EOGT: variants seen among roughly 807,000 people sequenced by gnomAD.
EOGT encodes EGF domain specific O-linked N-acetylglucosamine transferase, also known as EGF domain-specific O-linked N-acetylglucosamine transferase.
A neutral mutation model predicts 70.5 loss-of-function variants in EOGT; 55 were observed. That is an observed-to-expected ratio of 0.78 (90% CI 0.63 to 0.98). EOGT has a LOEUF of 0.98. Ranked by LOEUF, EOGT falls within the 50% of genes least tolerant of loss-of-function variation. The pLI, the probability that EOGT is intolerant of heterozygous loss-of-function variation, is 0.00. For synonymous variants in EOGT, 246 were observed against 217.1 expected, an observed-to-expected ratio of 1.13 and a Z score of -1.17; for missense variants, 703 against 641.9, an observed-to-expected ratio of 1.10 and a Z score of -1.03.
intron 8 of EOGT, among the ~76,000 whole-genome samples, chr3:69,003,578 C>A (rs1186610549): frequency 6.6e-6 from 1 of 152,208 alleles, no homozygotes; most frequent in Non-Finnish European, 1.5e-5. Context: ...TCCATTAAAC[C>A]TCTTTCCTTT....
intron 13 of EOGT, 84 bp from the exon 14 acceptor site, chr3:68,987,597 C>G: frequency 1.9e-6 from 2 of 1,031,480 alleles, no homozygotes; most frequent in Non-Finnish European, 3.0e-6. Flanking sequence ...GTGATTTTCA[C>G]AAAGAGATGA....
intron 16 of EOGT, among the ~76,000 whole-genome samples, chr3:68,979,241 TCA>T (rs1374881978): frequency 6.6e-6 from 1 of 152,190 alleles, no homozygotes; most frequent in African/African-American, 2.4e-5. Flanking sequence ...CCCAAGGGCC[TCA>T]GTTTCCCTGT....
chr3:68,987,598 A>G, intron 13 of EOGT, 85 bp from the exon 14 acceptor site: 2 of 1,003,328 alleles, frequency 2.0e-6, no homozygotes, highest in South Asian at 2.8e-5. Context: ...TGATTTTCAC[A>G]AAGAGATGAA....
intron 3 of EOGT, 73 bp from the exon 4 acceptor site, chr3:69,009,933 C>CAAAAAAAAAAAAAAAA: frequency 1.2e-5 from 3 of 255,188 alleles, no homozygotes; most frequent in South Asian, 4.7e-5. Flanking sequence ...ACAACAACAA[C>CAAAAAAAAAAAAAAAA]AAAAAAAAAA....
At chr3:69,008,719 C>T (rs1199122852) in intron 4 of EOGT, among the ~76,000 whole-genome samples, 191 bp from the exon 5 acceptor site, 1 of 152,190 alleles carries the variant, frequency 6.6e-6, no homozygotes, top group Non-Finnish European at 1.5e-5. Context: ...AACAATCCTC[C>T]TTACTCATCA....
At position 68,976,929 on chromosome 3, in the gene EOGT, G is replaced by C. The variant is rs1416162356; in HGVS notation, c.*689C>G. On this transcript the variant is annotated 3_prime_UTR_variant, in exon 18 of 18. Transcript: ENST00000383701. The stretch of plus-strand genomic sequence containing the variant: ...GTAATCCCAGCACTTTGGGAGGCAA[G>C]GTGGGAGGATTTCTTGAACCCAGAG... The C allele has an allele frequency of 6.6e-6, 1 of 152,586 alleles. No individual in the cohort carries two copies. Among genetic ancestry groups the C allele is most frequent in the Non-Finnish European group, 1.5e-5 (1 of 68,088 alleles). The allele number at this position is 152,586 out of a possible 1,614,324, so 9.5% of individuals were successfully genotyped here. A position where few individuals can be genotyped will look rare whatever the true frequency, so the allele number is the denominator to read the frequency against.
In EOGT at chr3:69,009,747, G is replaced by T; in HGVS notation, c.100C>A (p.Leu34Met). ...PNTHSIPGEPLYNYASIRLPE... is the reference protein window; with the variant it reads ...PNTHSIPGEPMYNYASIRLPE... ...AAGCGGATGCTGGCATAGTTATACA[G>T]AGGTTCGCCTGGAATGCTGTGAGTA... The change falls in exon 4 of 18, where the codon CTG (leucine) becomes ATG (methionine). Residue 34 changes from leucine (L) to methionine (M), a missense_variant. By Grantham distance (15) the Leu-to-Met change is conservative (BLOSUM62 2). Transcript: ENST00000383701. 1 of 1,614,070 alleles carries T rather than the reference G, an allele frequency of 6.2e-7. No individual in the cohort carries two copies. Among genetic ancestry groups the T allele is most frequent in the Non-Finnish European group, 8.5e-7 (1 of 1,180,006 alleles).
In EOGT at chr3:68,982,864, A is replaced by G. The variant is rs2090690087; in HGVS notation, c.1161T>C (p.Asn387=). The change falls in exon 15 of 18, where the codon AAT becomes AAC. Residue 387 remains asparagine (N), a synonymous_variant. Transcript: ENST00000383701. ...CAAATGTAGATACTGTTTTCAGTGC[A>G]TTTACAAGCTGGGAAAAAAAGAGAA... ...RKILNQNELV[N]ALKTVSTFEV... The G allele has an allele frequency of 1.2e-6, 2 of 1,601,496 alleles. No individual in the cohort carries two copies. Among genetic ancestry groups the G allele is most frequent in the East Asian group, 2.3e-5 (1 of 44,346 alleles).
At chr3:69,007,083 C>T (rs1044816854) in intron 6 of EOGT, among the ~76,000 whole-genome samples, 1 of 152,168 alleles carries the variant, frequency 6.6e-6, no homozygotes, top group Non-Finnish European at 1.5e-5. Flanking sequence ...TTTGTAAAGA[C>T]GCAGTTTATC....
intron 8 of EOGT, 47 bp downstream of exon 8, chr3:69,004,331 A>G (rs377496297): frequency 3.0e-4 from 426 of 1,412,938 alleles, no homozygotes; most frequent in Non-Finnish European, 4.1e-4. Context: ...CAAGTGCCGT[A>G]AATAAAGGCA....
intron 3 of EOGT, among the ~76,000 whole-genome samples, chr3:69,010,588 A>G (rs547784119): frequency 3.2e-4 from 49 of 152,350 alleles, no homozygotes; most frequent in Admixed American, 2.9e-3. Flanking sequence ...AACCTTCATC[A>G]TAGAGCTGTC....
At chr3:69,002,222 G>C (rs1250299766) in intron 8 of EOGT, among the ~76,000 whole-genome samples, 1 of 152,164 alleles carries the variant, frequency 6.6e-6, no homozygotes, top group African/African-American at 2.4e-5. Context: ...GTTGAGTCTA[G>C]AGATGGCTAC....
In EOGT at chr3:69,008,544, T is replaced by C; in HGVS notation, c.211-16A>G. The stretch of plus-strand genomic sequence containing the variant: ...CTAGGTGTTTCTAGAACATAAAACT[T>C]ACATTGATTTCCCTTCTTCTGACAT... On this transcript the variant is annotated splice_polypyrimidine_tract_variant and intron_variant, in intron 4 of 17. Coordinates refer to ENST00000383701, the MANE Select transcript of EOGT (RefSeq NM_001278689.2). 6.4e-7 allele frequency: 1 copy of C among 1,568,094 alleles called. No individual in the cohort carries two copies. Among genetic ancestry groups the C allele is most frequent in the Non-Finnish European group, 8.8e-7 (1 of 1,139,146 alleles).
chr3:68,978,450 G>C lies in EOGT; in HGVS notation c.1335-15C>G. Reference sequence around the variant, plus strand: ...CACAGTTGTACCTAAGGACACAAGGGTGTCACAACATGAGGCTTTTGTCCA... The same window carrying C: ...CACAGTTGTACCTAAGGACACAAGGCTGTCACAACATGAGGCTTTTGTCCA... On this transcript the variant is annotated splice_polypyrimidine_tract_variant and intron_variant, in intron 16 of 17. Coordinates refer to ENST00000383701, the MANE Select transcript of EOGT (RefSeq NM_001278689.2). The C allele has an allele frequency of 6.4e-7, 1 of 1,554,906 alleles. No homozygotes were observed. Among genetic ancestry groups the C allele is most frequent in the Non-Finnish European group, 8.7e-7 (1 of 1,148,086 alleles).
chr3:68,998,645 G>A (rs1453025886), intron 9 of EOGT, among the ~76,000 whole-genome samples: 3 of 151,986 alleles, frequency 2.0e-5, no homozygotes, highest in Non-Finnish European at 2.9e-5. Context: ...CTTGAGACCA[G>A]GAGTTTGAGA....
intron 5 of EOGT, 41 bp from the exon 6 acceptor site, chr3:69,007,862 CT>C: frequency 1.4e-6 from 2 of 1,413,004 alleles, no homozygotes; most frequent in Non-Finnish European, 9.8e-7. Flanking sequence ...TTTCTTTTTA[CT>C]TTTTTGGACC....
chr3:68,990,605 C>T (rs1027007146), intron 10 of EOGT, among the ~76,000 whole-genome samples: 8 of 152,086 alleles, frequency 5.3e-5, no homozygotes, highest in African/African-American at 7.2e-5. Flanking sequence ...CCGCCTACCA[C>T]GGCCTCCTAA....
intron 3 of EOGT, among the ~76,000 whole-genome samples, chr3:69,011,571 G>A (rs981252955): frequency 7.1e-6 from 1 of 139,886 alleles, no homozygotes; most frequent in African/African-American, 2.7e-5. Context: ...CTCCAGCCTG[G>A]GTAATGCGAG....
At chr3:68,987,283 C>T (rs1456990440) in intron 14 of EOGT, among the ~76,000 whole-genome samples, 162 bp downstream of exon 14, 1 of 151,752 alleles carries the variant, frequency 6.6e-6, no homozygotes, top group East Asian at 1.9e-4. Context: ...GTGAATCTCA[C>T]TAGAAATTCA....
Sources: gnomAD v4.1 joint callset for allele counts (sites outside exome capture counted in the v4.1 genomes callset) on GRCh38, gnomAD v4.1.1 for gene constraint, MANE v1.5 for transcripts, NCBI Gene and HGNC (gene_info 2026-07-23, HGNC 2026-07-21) for gene names.